PCDH11Y: variants seen among roughly 807,000 people sequenced by gnomAD.
PCDH11Y encodes the protein protocadherin-11 Y-linked.
For missense variants in PCDH11Y, 12 were observed against 224.8 expected (o/e 0.05, Z 6.05); for synonymous variants, 9 against 83.6 (o/e 0.11, Z 4.87).
intron 4 of PCDH11Y, among the ~76,000 whole-genome samples, chrY:5,644,014 A>T (rs2124705384): frequency 3.0e-5 from 1 of 33,032 alleles, no homozygotes; most frequent in South Asian, 6.8e-4. Context: ...AGAGAGTATC[A>T]TCTGTACAAG....
intron 4 of PCDH11Y, among the ~76,000 whole-genome samples, chrY:5,734,413 G>A: frequency 3.0e-5 from 1 of 33,220 alleles, no homozygotes; most frequent in Admixed American, 2.7e-4. Context: ...ACCCATTAAT[G>A]GCATACGCAA....
chrY:5,594,218 T>C (rs2053464968), intron 4 of PCDH11Y, among the ~76,000 whole-genome samples: 1 of 32,525 alleles, frequency 3.1e-5, no homozygotes, highest in Non-Finnish European at 7.6e-5. Flanking sequence ...CAGGTCTTTG[T>C]GCACCCTCTA....
At chrY:5,308,390 C>T (rs2053092724) in intron 2 of PCDH11Y, among the ~76,000 whole-genome samples, 1 of 33,342 alleles carries the variant, frequency 3.0e-5, no homozygotes, top group African/African-American at 1.2e-4. Flanking sequence ...GAGCCAGGCA[C>T]GGTGGCTCTC....
chrY:5,347,984 A>G (rs2053154019), intron 2 of PCDH11Y, among the ~76,000 whole-genome samples: 1 of 32,955 alleles, frequency 3.0e-5, no homozygotes, highest in Non-Finnish European at 7.4e-5. Context: ...GGTATTAAAT[A>G]CCATTTCTAT....
chrY:5,684,876 C>A, intron 4 of PCDH11Y, among the ~76,000 whole-genome samples: 2 of 31,327 alleles, frequency 6.4e-5, no homozygotes, highest in African/African-American at 2.5e-4. Flanking sequence ...TTAAGAGAAA[C>A]CAAAAACAAT....
intron 2 of PCDH11Y, among the ~76,000 whole-genome samples, chrY:5,466,577 A>T: frequency 3.1e-5 from 1 of 32,552 alleles, no homozygotes; most frequent in African/African-American, 1.2e-4. Context: ...TAACAAATAC[A>T]GTCAAGGAGA....
intron 4 of PCDH11Y, among the ~76,000 whole-genome samples, chrY:5,688,694 G>A (rs2053565541): frequency 9.5e-5 from 3 of 31,505 alleles, no homozygotes; most frequent in African/African-American, 3.7e-4. Flanking sequence ...TAAAAATCAC[G>A]CAGGTATAAT....
At chrY:5,242,913 A>G in intron 2 of PCDH11Y, among the ~76,000 whole-genome samples, 2 of 34,051 alleles carry the variant, frequency 5.9e-5, no homozygotes, top group Non-Finnish European at 1.5e-4. Flanking sequence ...TCTTAAATAG[A>G]TATAATTAAT....
At chrY:5,712,052 G>A in intron 4 of PCDH11Y, among the ~76,000 whole-genome samples, 1 of 31,811 alleles carries the variant, frequency 3.1e-5, no homozygotes. Context: ...TAATGAATTG[G>A]CTTAATGAAT....
At chrY:5,442,218 T>C in intron 2 of PCDH11Y, among the ~76,000 whole-genome samples, 1 of 32,108 alleles carries the variant, frequency 3.1e-5, no homozygotes, top group African/African-American at 1.2e-4. Context: ...ACAATGGTTC[T>C]CAACATATCA....
chrY:5,354,570 C>T, intron 2 of PCDH11Y, among the ~76,000 whole-genome samples: 1 of 32,700 alleles, frequency 3.1e-5, no homozygotes, highest in Non-Finnish European at 7.4e-5. Context: ...GGCTTATACG[C>T]GCACACACAC....
At chrY:5,374,786 T>C in intron 2 of PCDH11Y, among the ~76,000 whole-genome samples, 5 of 32,647 alleles carry the variant, frequency 1.5e-4, no homozygotes, top group Non-Finnish European at 3.0e-4. Context: ...GTTTGCTTTT[T>C]CAAGAAGTTT....
intron 3 of PCDH11Y, among the ~76,000 whole-genome samples, chrY:5,519,282 C>T (rs1393030819): frequency 3.4e-5 from 1 of 29,241 alleles, no homozygotes; most frequent in Admixed American, 3.3e-4. Flanking sequence ...CCCAGCTACG[C>T]GGGAGGCTGA....
At chrY:5,617,329 A>G in intron 4 of PCDH11Y, among the ~76,000 whole-genome samples, 2 of 33,397 alleles carry the variant, frequency 6.0e-5, no homozygotes, top group Non-Finnish European at 1.5e-4. Context: ...ATTTGCATAC[A>G]CTTTAATGGG....
intron 1 of PCDH11Y, among the ~76,000 whole-genome samples, chrY:5,066,905 T>A: frequency 3.2e-5 from 1 of 31,698 alleles, no homozygotes; most frequent in Non-Finnish European, 7.8e-5. Flanking sequence ...CAATGTTTAA[T>A]CCTTTGGAAA....
chrY:5,690,582 TTAAAA>T (rs2053566966), intron 4 of PCDH11Y, among the ~76,000 whole-genome samples: 1 of 32,807 alleles, frequency 3.0e-5, no homozygotes, highest in Non-Finnish European at 7.5e-5. Flanking sequence ...GGTAAATACT[TTAAAA>T]TAAAATAATA....
At chrY:5,312,598 T>C (rs1602902975) in intron 2 of PCDH11Y, among the ~76,000 whole-genome samples, 29 of 27,850 alleles carry the variant, frequency 1.0e-3, no homozygotes, top group Admixed American at 2.3e-3. Context: ...ATATAAGAAA[T>C]ATATATAAGA....
chrY:5,651,065 A>C, intron 4 of PCDH11Y, among the ~76,000 whole-genome samples: 1 of 33,084 alleles, frequency 3.0e-5, no homozygotes, highest in Non-Finnish European at 7.5e-5. Flanking sequence ...TAATCTCACT[A>C]GTGTGGATAA....
chrY:5,172,830 T>A, intron 2 of PCDH11Y, among the ~76,000 whole-genome samples: 3 of 31,834 alleles, frequency 9.4e-5, no homozygotes, highest in Non-Finnish European at 2.3e-4. Flanking sequence ...AAACATTTTT[T>A]GAGGAGGCAG....
Sources: gnomAD v4.1 joint callset for allele counts (sites outside exome capture counted in the v4.1 genomes callset) on GRCh38, gnomAD v4.1.1 for gene constraint, MANE v1.5 for transcripts, NCBI Gene and HGNC (gene_info 2026-07-23, HGNC 2026-07-21) for gene names.